The following PPFIA2 variants were observed in gnomAD, a reference collection of about 807,000 sequenced individuals.
PPFIA2 encodes PPFI scaffold protein A2, also known as liprin-alpha-2.
A neutral mutation model predicts 175.5 loss-of-function variants in PPFIA2; 46 were observed. The observed-to-expected ratio is 0.26, with a 90% CI of 0.21 to 0.34. The LOEUF (loss-of-function observed/expected upper bound fraction) is 0.34. Among genes scored for constraint, PPFIA2 ranks in the 10% least tolerant of loss-of-function variants. The probability of loss-of-function intolerance (pLI) is 1.00; values close to 1 mark genes in which losing one functional copy is unlikely to be tolerated. For synonymous variants in PPFIA2, 568 were observed against 511.4 expected (o/e 1.11, Z -1.49); for missense variants, 1,179 against 1,506.1 (o/e 0.78, Z 3.60).
chr12:81,605,717 CTATT>C (rs1313409821), intron 4 of PPFIA2, among the ~76,000 whole-genome samples: 3 of 151,536 alleles, frequency 2.0e-5, no homozygotes, highest in Non-Finnish European at 4.4e-5. Context: ...TTCTCTATCT[CTATT>C]TAATCTATCT....
intron 22 of PPFIA2, among the ~76,000 whole-genome samples, chr12:81,314,815 A>T (rs189193205): frequency 7.9e-5 from 12 of 152,038 alleles, no homozygotes; most frequent in Non-Finnish European, 1.8e-4. Flanking sequence ...AGTTATTAAC[A>T]TCAAATTGAG....
chr12:81,460,703 A>G (rs898367207), intron 4 of PPFIA2, among the ~76,000 whole-genome samples: 1 of 152,142 alleles, frequency 6.6e-6, no homozygotes. Context: ...TGAGGCTTAC[A>G]TCATCTTACA....
At chr12:81,353,813 A>C (rs2060436745) in intron 16 of PPFIA2, among the ~76,000 whole-genome samples, 1 of 152,168 alleles carries the variant, frequency 6.6e-6, no homozygotes, top group Admixed American at 6.5e-5. Flanking sequence ...GATTCTAACA[A>C]AATATTATTT....
chr12:81,648,528 G>A (rs1399406375), intron 4 of PPFIA2, among the ~76,000 whole-genome samples: 1 of 151,498 alleles, frequency 6.6e-6, no homozygotes, highest in Non-Finnish European at 1.5e-5. Flanking sequence ...CCATATTCAT[G>A]GATCAGGAGA....
chr12:81,728,529 C>A (rs1279309491), intron 3 of PPFIA2, among the ~76,000 whole-genome samples: 1 of 151,048 alleles, frequency 6.6e-6, no homozygotes, highest in Non-Finnish European at 1.5e-5. Context: ...TACTTGCTAT[C>A]CCCCTCTCCT....
chr12:81,709,028 CTTTTA>C (rs531444452), intron 3 of PPFIA2, among the ~76,000 whole-genome samples: 22 of 152,242 alleles, frequency 1.4e-4, no homozygotes, highest in Admixed American at 6.5e-4. Flanking sequence ...TAAAAACCCC[CTTTTA>C]TTTTATTTTT....
chr12:81,512,898 T>C (rs1484007475), intron 4 of PPFIA2, among the ~76,000 whole-genome samples: 1 of 152,018 alleles, frequency 6.6e-6, no homozygotes, highest in Admixed American at 6.6e-5. Context: ...GCCTGAGTAG[T>C]ATTCCATGGT....
intron 3 of PPFIA2, among the ~76,000 whole-genome samples, chr12:81,736,604 G>A (rs540643208): frequency 3.0e-4 from 45 of 151,904 alleles, no homozygotes; most frequent in Non-Finnish European, 5.4e-4. Context: ...TTTCAACACC[G>A]TTGGGACAAT....
intron 7 of PPFIA2, among the ~76,000 whole-genome samples, chr12:81,421,834 C>T (rs1034906414): frequency 2.0e-5 from 3 of 151,720 alleles, no homozygotes; most frequent in East Asian, 1.9e-4. Flanking sequence ...AAGACACACA[C>T]AGTTTGAAAA....
At chr12:81,712,156 G>T (rs1331957317) in intron 3 of PPFIA2, among the ~76,000 whole-genome samples, 1 of 151,004 alleles carries the variant, frequency 6.6e-6, no homozygotes, top group Non-Finnish European at 1.5e-5. Flanking sequence ...TTTTAAAAAG[G>T]CATTAATTCA....
chr12:81,438,210 G>A (rs1199052192), intron 7 of PPFIA2, among the ~76,000 whole-genome samples: 6 of 152,002 alleles, frequency 3.9e-5, no homozygotes, highest in African/African-American at 7.2e-5. Context: ...TGGCTCACGC[G>A]TGTAATCCCA....
At chr12:81,459,613 T>C (rs1341007671) in intron 4 of PPFIA2, among the ~76,000 whole-genome samples, 1 of 151,988 alleles carries the variant, frequency 6.6e-6, no homozygotes, top group Non-Finnish European at 1.5e-5. Flanking sequence ...TTTCGTGCTT[T>C]GAAAATAAGA....
intron 7 of PPFIA2, among the ~76,000 whole-genome samples, chr12:81,429,143 CAT>C (rs992438216): frequency 1.3e-5 from 2 of 151,958 alleles, no homozygotes; most frequent in African/African-American, 2.4e-5. Context: ...CATGCATAAA[CAT>C]GTGGAAAATT....
At chr12:81,479,808 A>G (rs936307426) in intron 4 of PPFIA2, among the ~76,000 whole-genome samples, 1 of 152,090 alleles carries the variant, frequency 6.6e-6, no homozygotes, top group African/African-American at 2.4e-5. Flanking sequence ...TTTGTGGGTA[A>G]CCCGACATTT....
At chr12:81,343,274 G>C (rs1284609503) in intron 19 of PPFIA2, among the ~76,000 whole-genome samples, 3 of 151,944 alleles carry the variant, frequency 2.0e-5, no homozygotes, top group South Asian at 2.1e-4. Context: ...TGAATTATTT[G>C]AGACTACATT....
chr12:81,317,437 A>G (rs2052653156), intron 22 of PPFIA2, among the ~76,000 whole-genome samples: 1 of 151,624 alleles, frequency 6.6e-6, no homozygotes, highest in Non-Finnish European at 1.5e-5. Context: ...ATAGGAAGGC[A>G]AGACTAGAAG....
intron 4 of PPFIA2, among the ~76,000 whole-genome samples, chr12:81,530,560 G>A (rs1318252763): frequency 2.0e-5 from 3 of 151,860 alleles, no homozygotes; most frequent in Non-Finnish European, 2.9e-5. Flanking sequence ...TATTTTAAAA[G>A]AGGGCGAAGT....
chr12:81,566,917 A>G (rs1341297199), intron 4 of PPFIA2, among the ~76,000 whole-genome samples: 1 of 152,242 alleles, frequency 6.6e-6, no homozygotes, highest in Non-Finnish European at 1.5e-5. Flanking sequence ...TACTGTAAGA[A>G]ATGTTTTATG....
chr12:81,304,841 A>G (rs901838271), intron 22 of PPFIA2, among the ~76,000 whole-genome samples: 13 of 152,100 alleles, frequency 8.5e-5, no homozygotes, highest in Non-Finnish European at 1.5e-4. Flanking sequence ...GTAAGAAGCC[A>G]TCAGAGGGTT....
Sources: allele counts gnomAD v4.1 joint callset (sites outside exome capture counted in the v4.1 genomes callset), GRCh38; gene constraint gnomAD v4.1.1; transcripts MANE v1.5; gene names NCBI Gene and HGNC (gene_info 2026-07-23, HGNC 2026-07-21).